EXT1: variants seen among roughly 807,000 people sequenced by gnomAD.
EXT1 encodes exostosin glycosyltransferase 1, also known as exostosin-1.
Under a neutral mutation model 82.5 loss-of-function variants are expected in EXT1, and 20 were observed. The observed-to-expected ratio is 0.24, with a 90% CI of 0.17 to 0.35. EXT1 has a LOEUF of 0.35. EXT1 is among the 10% of genes least tolerant of loss of function. The pLI, the probability that EXT1 is intolerant of heterozygous loss-of-function variation, is 1.00. For missense variants in EXT1, 757 were observed against 936.5 expected (o/e 0.81, Z 2.50); for synonymous variants, 348 against 350.8 (o/e 0.99, Z 0.09).
chr8:117,981,624 C>T (rs1181069893), intron 1 of EXT1, among the ~76,000 whole-genome samples: 1 of 152,020 alleles, frequency 6.6e-6, no homozygotes. Context: ...ATCCCTCCCT[C>T]TTTGGGAGGC....
At chr8:117,993,740 G>A (rs1815481510) in intron 1 of EXT1, among the ~76,000 whole-genome samples, 2 of 152,198 alleles carry the variant, frequency 1.3e-5, no homozygotes, top group South Asian at 4.1e-4. Context: ...CCGTACAACT[G>A]TAATTAACCA....
chr8:118,039,636 G>C (rs919593570), intron 1 of EXT1, among the ~76,000 whole-genome samples: 26 of 150,622 alleles, frequency 1.7e-4, no homozygotes, highest in African/African-American at 6.4e-4. Context: ...CAACATGCCA[G>C]AAGAGTGAAA....
intron 1 of EXT1, among the ~76,000 whole-genome samples, chr8:118,014,099 T>A (rs1171911540): frequency 1.3e-5 from 2 of 152,232 alleles, no homozygotes; most frequent in Non-Finnish European, 2.9e-5. Flanking sequence ...ATGATGGCGA[T>A]AATAATTACT....
At chr8:118,071,513 G>A (rs958364191) in intron 1 of EXT1, among the ~76,000 whole-genome samples, 1 of 149,208 alleles carries the variant, frequency 6.7e-6, no homozygotes, top group African/African-American at 2.5e-5. Context: ...GATTACCATC[G>A]CAAAAGTAGT....
intron 1 of EXT1, among the ~76,000 whole-genome samples, chr8:118,098,938 C>T (rs897829): frequency 0.2 from 31,118 of 151,982 alleles, 3,397 homozygotes; most frequent in Admixed American, 0.27. Context: ...GGAGCCTTGG[C>T]GGAAATTGCT....
Position 118,109,495 on chromosome 8 carries a change from C to CT in EXT1, c.962+589dup, listed in dbSNP as rs368065076. Reference sequence around the variant, plus strand: ...GCCACAGGCCCAACAAGTTTACAGTCTCCCTTCATAAAAGTCAATGCCACG... The same window carrying CT: ...GCCACAGGCCCAACAAGTTTACAGTCTTCCCTTCATAAAAGTCAATGCCACG... On this transcript the variant is annotated intron_variant, in intron 1 of 10. Coordinates refer to ENST00000378204, the MANE Select transcript of EXT1 (RefSeq NM_000127.3). 1.2e-3 allele frequency among the ~76,000 whole-genome samples: 178 copies of CT among 152,242 alleles called. 1 individual carries two copies. The highest frequency in any genetic ancestry group is 4.2e-3 in the African/African-American group (175 of 41,550).
intron 1 of EXT1, among the ~76,000 whole-genome samples, chr8:118,087,102 G>A (rs1817435123): frequency 1.3e-5 from 2 of 152,162 alleles, no homozygotes; most frequent in South Asian, 2.1e-4. Context: ...CGTGCCCAGC[G>A]CTGGATAGAA....
intron 1 of EXT1, among the ~76,000 whole-genome samples, chr8:117,844,201 G>T (rs185420995): frequency 5.1e-4 from 75 of 148,484 alleles, no homozygotes; most frequent in South Asian, 8.5e-4. Context: ...CACCCAGGCT[G>T]CAGTGCAGTG....
intron 1 of EXT1, among the ~76,000 whole-genome samples, chr8:117,966,991 C>A (rs905799811): frequency 6.6e-6 from 1 of 152,156 alleles, no homozygotes; most frequent in African/African-American, 2.4e-5. Flanking sequence ...CCTAATGGCC[C>A]TAAGTACGTT....
At chr8:117,930,320 C>T (rs960572036) in intron 1 of EXT1, among the ~76,000 whole-genome samples, 2 of 151,886 alleles carry the variant, frequency 1.3e-5, no homozygotes, top group African/African-American at 4.8e-5. Context: ...CAAGTGTCAG[C>T]CATCATTTCT....
Position 117,824,169 on chromosome 8 carries a change from A to G in EXT1, c.1285-1572T>C, listed in dbSNP as rs146706327. ...GATGTGGTCACTTAAATAAGTTTGG[A>G]TATCAAGATAGAAAATAAATTGACA... is the stretch of plus-strand genomic sequence containing the variant. On this transcript the variant is annotated intron_variant, in intron 4 of 10. Transcript: ENST00000378204. 1.6e-3 allele frequency among the ~76,000 whole-genome samples: 239 copies of G among 152,096 alleles called. 1 individual carries two copies. Among genetic ancestry groups the G allele is most frequent in the African/African-American group, 5.4e-3 (226 of 41,492 alleles).
chr8:118,093,549 G>A (rs892715243), intron 1 of EXT1, among the ~76,000 whole-genome samples: 1 of 152,086 alleles, frequency 6.6e-6, no homozygotes, highest in African/African-American at 2.4e-5. Flanking sequence ...TTTTGGATAT[G>A]GTGAAGTTTC....
intron 1 of EXT1, among the ~76,000 whole-genome samples, chr8:118,061,496 C>T (rs894901053): frequency 2.6e-5 from 4 of 152,140 alleles, no homozygotes; most frequent in Non-Finnish European, 4.4e-5. Context: ...CGGGATGGCT[C>T]GTTACATTCC....
At chr8:117,945,911 TTTTG>T (rs1814378319) in intron 1 of EXT1, among the ~76,000 whole-genome samples, 1 of 152,166 alleles carries the variant, frequency 6.6e-6, no homozygotes, top group African/African-American at 2.4e-5. Context: ...TTTTGTTTTG[TTTTG>T]TTTGAGATGC....
chr8:117,816,103 C>A (rs1310666841), intron 7 of EXT1, among the ~76,000 whole-genome samples: 1 of 151,944 alleles, frequency 6.6e-6, no homozygotes, highest in Non-Finnish European at 1.5e-5. Context: ...ATCCACAGTG[C>A]GCCCACACTT....
intron 1 of EXT1, among the ~76,000 whole-genome samples, chr8:117,926,904 A>C (rs1041559247): frequency 6.6e-6 from 1 of 152,230 alleles, no homozygotes; most frequent in Non-Finnish European, 1.5e-5. Flanking sequence ...TTCTACAAAA[A>C]AACTAGCAAC....
chr8:118,009,151 C>CT (rs1310745543), intron 1 of EXT1, among the ~76,000 whole-genome samples: 2 of 152,160 alleles, frequency 1.3e-5, no homozygotes, highest in African/African-American at 4.8e-5. Context: ...GCAATAGGGA[C>CT]TTGAGAAGTC....
At chr8:117,991,011 C>T (rs1234070527) in intron 1 of EXT1, among the ~76,000 whole-genome samples, 1 of 152,062 alleles carries the variant, frequency 6.6e-6, no homozygotes, top group Non-Finnish European at 1.5e-5. Context: ...TGCCTGTTTA[C>T]AGATGAGAAA....
At chr8:118,046,085 C>T (rs914433158) in intron 1 of EXT1, among the ~76,000 whole-genome samples, 8 of 151,688 alleles carry the variant, frequency 5.3e-5, no homozygotes, top group South Asian at 2.1e-4. Context: ...CATGAGCCAC[C>T]GTGCCCAGCC....
Sources: allele counts gnomAD v4.1 joint callset (sites outside exome capture counted in the v4.1 genomes callset), GRCh38; gene constraint gnomAD v4.1.1; transcripts MANE v1.5; gene names NCBI Gene and HGNC (gene_info 2026-07-23, HGNC 2026-07-21).